Variants in SLC9C1 observed in about 807,000 individuals in gnomAD.
The protein encoded by SLC9C1 is solute carrier family 9 member C1, also known as sodium/hydrogen exchanger 10.
A neutral mutation model predicts 140.9 loss-of-function variants in SLC9C1; 97 were observed. The observed-to-expected ratio is 0.69, with a 90% CI of 0.58 to 0.82. The LOEUF is 0.82. Ranked by LOEUF, SLC9C1 falls within the 40% of genes least tolerant of loss-of-function variation. The pLI is 0.00. For synonymous variants in SLC9C1, 440 were observed against 442.6 expected (o/e 0.99, Z 0.07); for missense variants, 1,340 against 1,389.3 (o/e 0.96, Z 0.56).
intron 23 of SLC9C1, among the ~76,000 whole-genome samples, chr3:112,171,071 G>A (rs990101562): frequency 1.1e-4 from 16 of 152,116 alleles, no homozygotes; most frequent in Non-Finnish European, 1.8e-4. Context: ...AAAATTATCT[G>A]GGCATGGTGG....
intron 15 of SLC9C1, among the ~76,000 whole-genome samples, chr3:112,210,847 G>C (rs951288677): frequency 2.0e-5 from 3 of 151,812 alleles, no homozygotes; most frequent in African/African-American, 7.2e-5. Context: ...TAAATCAATT[G>C]TAAAGACAGG....
intron 20 of SLC9C1, among the ~76,000 whole-genome samples, chr3:112,190,400 A>G (rs1018251934): frequency 6.6e-6 from 1 of 152,130 alleles, no homozygotes; most frequent in African/African-American, 2.4e-5. Flanking sequence ...TTATTTTGAG[A>G]TACATTCCAT....
intron 20 of SLC9C1, among the ~76,000 whole-genome samples, chr3:112,188,395 C>T (rs1049481643): frequency 2.8e-5 from 4 of 140,454 alleles, no homozygotes; most frequent in Non-Finnish European, 4.6e-5. Flanking sequence ...CTCCCCTCAC[C>T]CCATGACAGG....
At chr3:112,217,808 G>A (rs1044849083) in intron 14 of SLC9C1, among the ~76,000 whole-genome samples, 2 of 152,104 alleles carry the variant, frequency 1.3e-5, no homozygotes, top group Non-Finnish European at 2.9e-5. Context: ...GAGATTTCAA[G>A]GTTCAGGGAT....
chr3:112,193,625 G>C (rs945342983), intron 20 of SLC9C1, among the ~76,000 whole-genome samples: 1 of 152,130 alleles, frequency 6.6e-6, no homozygotes, highest in Non-Finnish European at 1.5e-5. Flanking sequence ...GATGGCATGG[G>C]GTCATTGGGC....
At chr3:112,254,769 A>C (rs1240033050) in intron 10 of SLC9C1, among the ~76,000 whole-genome samples, 1 of 152,184 alleles carries the variant, frequency 6.6e-6, no homozygotes, top group African/African-American at 2.4e-5. Flanking sequence ...AAATGGGTTA[A>C]ATGCCCCATT....
intron 13 of SLC9C1, 41 bp from the exon 14 acceptor site, chr3:112,221,266 A>G: frequency 3.3e-6 from 5 of 1,519,968 alleles, no homozygotes; most frequent in Non-Finnish European, 4.5e-6. Flanking sequence ...AGCATGAATA[A>G]CGATGACAAC....
At chr3:112,145,317 G>A (rs866525055) in intron 28 of SLC9C1, among the ~76,000 whole-genome samples, 78 of 152,306 alleles carry the variant, frequency 5.1e-4, no homozygotes, top group Non-Finnish European at 9.7e-4. Flanking sequence ...CTACTTGATC[G>A]TGGTATATTA....
chr3:112,272,149 T>G (rs746941267), intron 6 of SLC9C1, among the ~76,000 whole-genome samples: 7 of 152,116 alleles, frequency 4.6e-5, no homozygotes, highest in Non-Finnish European at 1.0e-4. Flanking sequence ...TAATTTTGAG[T>G]CCAGCATCTC....
chr3:112,243,003 A>T (rs1270810744), intron 11 of SLC9C1, among the ~76,000 whole-genome samples: 2 of 152,212 alleles, frequency 1.3e-5, no homozygotes, highest in Non-Finnish European at 2.9e-5. Flanking sequence ...TTATTATTAA[A>T]AAGTCAAAAA....
rs770959035 is a variant in SLC9C1, at chr3:112,167,342, T to C, written c.3243A>G (p.Gln1081=). ...FLIPITCHQI[Q]SIEDFTKVVI... is the part of the protein sequence containing the mutation. Reference sequence around the variant, plus strand: ...CTACTTTTGTGAAATCTTCAATACTTTGTATCTGAAAGTTGACAGAATGCA... The same window carrying C: ...CTACTTTTGTGAAATCTTCAATACTCTGTATCTGAAAGTTGACAGAATGCA... The change falls in exon 26 of 29, where the codon CAA becomes CAG. Residue 1081 remains glutamine, a synonymous_variant. Transcript: ENST00000305815. 6 of 1,588,820 alleles carry C rather than the reference T, an allele frequency of 3.8e-6. No homozygotes were observed. Among genetic ancestry groups the C allele is most frequent in the African/African-American group, 1.4e-5 (1 of 73,848 alleles).
rs9860819 is a variant in SLC9C1, at chr3:112,263,002, C to T, written c.1119G>A (p.Lys373=). Residue 373 remains lysine (K), a synonymous_variant, in exon 10 of 29, where the codon AAG becomes AAA. Transcript: ENST00000305815. The part of the protein sequence containing the change: ...WIFIMVCSEM[K]GMPNINMALL... Reference sequence around the variant, plus strand: ...GGGCCATGTTTATATTAGGCATCCCCTTCATTTCACTACAGACCATTATGA... The same window carrying T: ...GGGCCATGTTTATATTAGGCATCCCTTTCATTTCACTACAGACCATTATGA... 1,001,587 of 1,598,164 alleles carry T rather than the reference C, an allele frequency of 0.63. 317,617 individuals carry two copies. Among genetic ancestry groups the T allele is most frequent in the East Asian group, 0.78 (34,339 of 43,952 alleles).
chr3:112,204,387 T>C lies in SLC9C1; in HGVS notation c.2003A>G (p.Lys668Arg). Residue 668 changes from lysine to arginine, a missense_variant, in exon 17 of 29, where the codon AAG (lysine) becomes AGG (arginine). Lys to Arg is a conservative substitution (Grantham distance 26). Coordinates refer to ENST00000305815, the MANE Select transcript of SLC9C1 (RefSeq NM_183061.3). ...EALLKIAAMRKDFFSHAWNIF... is the reference protein window; with the variant it reads ...EALLKIAAMRRDFFSHAWNIF... ...GTTCCAGGCATGTGAAAAAAAGTCCTTCCTCATTGCTGCTATCTGTTGATT... is the reference window on the plus strand; with the variant it reads ...GTTCCAGGCATGTGAAAAAAAGTCCCTCCTCATTGCTGCTATCTGTTGATT... The C allele has an allele frequency of 6.4e-7, 1 of 1,570,876 alleles. No individual in the cohort carries two copies. The highest frequency in any genetic ancestry group is 8.6e-7 in the Non-Finnish European group (1 of 1,165,700).
chr3:112,202,460 ATTAGT>A lies in SLC9C1; in HGVS notation c.2173-66_2173-62del, dbSNP rs1053689391. On this transcript the variant is annotated intron_variant, in intron 17 of 28. Transcript: ENST00000305815. ...ACAAATATCATTTTATGATATGTTG[ATTAGT>A]TTAATCAAAATAGTTAATAATAAGA... is the stretch of plus-strand genomic sequence containing the variant. The A allele has an allele frequency of 2.2e-5, 33 of 1,477,130 alleles. No individual in the cohort carries two copies. The African/African-American group carries it at 4.4e-4, about 20-fold the overall frequency. The allele number at this position is 1,477,130 out of a possible 1,614,324, so 91.5% of individuals were successfully genotyped here.
intron 27 of SLC9C1, among the ~76,000 whole-genome samples, chr3:112,154,197 A>G (rs918212156): frequency 4.6e-5 from 7 of 152,206 alleles, no homozygotes; most frequent in Non-Finnish European, 1.0e-4. Flanking sequence ...TTGTGTATTC[A>G]TAGCAGACAT....
intron 4 of SLC9C1, 86 bp from the exon 5 acceptor site, chr3:112,277,946 A>G (rs1272319904): frequency 8.5e-7 from 1 of 1,177,628 alleles, no homozygotes. Context: ...TTGGAGATAC[A>G]GAATCAACCA....
At chr3:112,162,269 T>A (rs2075325008) in intron 26 of SLC9C1, among the ~76,000 whole-genome samples, 1 of 152,166 alleles carries the variant, frequency 6.6e-6, no homozygotes, top group African/African-American at 2.4e-5. Flanking sequence ...TATTTCCTTC[T>A]CCTGCCTAAT....
intron 14 of SLC9C1, 28 bp downstream of exon 14, chr3:112,221,100 A>G (rs937206033): frequency 6.4e-6 from 10 of 1,567,346 alleles, no homozygotes; most frequent in Non-Finnish European, 6.1e-6. Context: ...GGCTTAGAAT[A>G]GAAGCCATCT....
intron 12 of SLC9C1, among the ~76,000 whole-genome samples, chr3:112,238,447 T>C (rs2079051291): frequency 6.6e-6 from 1 of 152,206 alleles, no homozygotes; most frequent in Non-Finnish European, 1.5e-5. Context: ...GAAGCCTTCT[T>C]CTCTCAACTC....
Sources: allele counts gnomAD v4.1 joint callset (sites outside exome capture counted in the v4.1 genomes callset), GRCh38; gene constraint gnomAD v4.1.1; transcripts MANE v1.5; gene names NCBI Gene and HGNC (gene_info 2026-07-23, HGNC 2026-07-21).